Variants in PARVB observed in about 807,000 individuals in gnomAD.
PARVB encodes the protein beta-parvin.
A neutral mutation model predicts 47.0 loss-of-function variants in PARVB; 46 were observed. The ratio of observed to expected loss-of-function variants is 0.98; its 90% CI spans 0.77 to 1.25. The LOEUF is 1.25. Ranked by LOEUF, PARVB falls within the 50% of genes most tolerant of loss-of-function variation. PARVB has a pLI of 0.00. For synonymous variants in PARVB, 196 were observed against 196.3 expected (o/e 1.00, Z 0.01); for missense variants, 473 against 471.6 (o/e 1.00, Z -0.03).
intron 1 of PARVB, chr22:44,086,704 TG>T (rs1340344123): frequency 1.0e-6 from 1 of 972,498 alleles, no homozygotes; most frequent in Admixed American, 6.2e-5. Context: ...AGATCTTCAC[TG>T]AAGTACAACT....
chr22:44,047,055 A>G (rs1297212783), intron 1 of PARVB, among the ~76,000 whole-genome samples: 1 of 152,198 alleles, frequency 6.6e-6, no homozygotes, highest in Non-Finnish European at 1.5e-5. Flanking sequence ...TCCTGGAGCC[A>G]CCAGGCCTAT....
At chr22:44,015,955 G>A (rs1197232898) in intron 2 of PARVB, among the ~76,000 whole-genome samples, 2 of 152,106 alleles carry the variant, frequency 1.3e-5, no homozygotes, top group Admixed American at 6.5e-5. Flanking sequence ...AATCGTTTGT[G>A]CCCTATGCAA....
At chr22:44,156,349 G>C (rs1442026077) in intron 10 of PARVB, among the ~76,000 whole-genome samples, 1 of 147,658 alleles carries the variant, frequency 6.8e-6, no homozygotes, top group African/African-American at 2.5e-5. Flanking sequence ...GCGCGATCGC[G>C]GCTCACTGCA....
intron 3 of PARVB, chr22:44,104,281 G>C (rs1372848805): frequency 1.3e-5 from 2 of 152,224 alleles, no homozygotes; most frequent in African/African-American, 4.8e-5. Flanking sequence ...TCTCAAAGCA[G>C]GCTGGCAGAC....
intron 4 of PARVB, among the ~76,000 whole-genome samples, chr22:44,124,206 A>C (rs1381495798): frequency 6.6e-6 from 1 of 152,040 alleles, no homozygotes; most frequent in African/African-American, 2.4e-5. Context: ...CCATCCACAG[A>C]CTCCAGAAGG....
intron 7 of PARVB, chr22:44,139,735 G>A (rs1208600949): frequency 1.4e-5 from 3 of 219,204 alleles, no homozygotes; most frequent in East Asian, 2.1e-4. Context: ...ACAGGCATGA[G>A]CCCCTGTGCC....
chr22:44,009,902 G>C (rs1471366729), intron 2 of PARVB, among the ~76,000 whole-genome samples: 2 of 151,126 alleles, frequency 1.3e-5, no homozygotes, highest in African/African-American at 4.9e-5. Flanking sequence ...CTGCCTCCTG[G>C]GTTCAAGCAA....
intron 10 of PARVB, among the ~76,000 whole-genome samples, chr22:44,154,993 G>T (rs1309496934): frequency 8.5e-6 from 1 of 118,232 alleles, no homozygotes; most frequent in Non-Finnish European, 1.7e-5. Flanking sequence ...TGTGGTTTTT[G>T]TAGTCTGTGT....
rs565405203 is a variant in PARVB, at chr22:44,011,307, A to G, written c.211+11634A>G. 3.4e-3 allele frequency among the ~76,000 whole-genome samples: 513 copies of G among 152,142 alleles called. 4 individuals are homozygous for G. The highest frequency in any genetic ancestry group is 0.012 in the African/African-American group (494 of 41,534). Reference sequence around the variant, plus strand: ...CATCATCTGTGGCTGCTTTCAAGCTACAATAGCAAAATTGGGTCCTTGTAG... The same window carrying G: ...CATCATCTGTGGCTGCTTTCAAGCTGCAATAGCAAAATTGGGTCCTTGTAG... On this transcript the variant is annotated intron_variant, in intron 2 of 13. Coordinates refer to the PARVB transcript ENST00000406477.
chr22:44,148,763 C>A (rs77251852), intron 9 of PARVB: 6,260 of 152,238 alleles, frequency 0.041, 164 homozygotes, highest in Non-Finnish European at 0.058. Context: ...ATTTATTTAT[C>A]TATCAATTTT....
chr22:44,171,203 G>A lies in PARVB; in HGVS notation c.*2525G>A, dbSNP rs1257701334. 1 of 152,318 alleles carries A rather than the reference G, an allele frequency of 6.6e-6. No individual in the cohort carries two copies. The highest frequency in any genetic ancestry group is 1.5e-5 in the Non-Finnish European group (1 of 68,132). The allele number at this position is 152,318 out of a possible 1,614,324, so 9.4% of individuals were successfully genotyped here. On this transcript the variant is annotated 3_prime_UTR_variant, in exon 13 of 13. Coordinates refer to ENST00000338758, the MANE Select transcript of PARVB (RefSeq NM_013327.5). ...CTTCCCAGGGATTGGGATTTGAAAA[G>A]AACAGAGCTTGGCCAGGTGCGGTGG...
intron 2 of PARVB, among the ~76,000 whole-genome samples, chr22:44,096,830 C>A (rs947307641): frequency 3.9e-5 from 6 of 152,042 alleles, no homozygotes; most frequent in Non-Finnish European, 5.9e-5. Context: ...GGGCTCGGTT[C>A]CCACAAAACA....
intron 7 of PARVB, among the ~76,000 whole-genome samples, chr22:44,137,783 A>T (rs944395163): frequency 2.6e-5 from 4 of 151,956 alleles, no homozygotes; most frequent in African/African-American, 9.7e-5. Flanking sequence ...GTCCTGAGAG[A>T]GTGAGAATGC....
intron 4 of PARVB, among the ~76,000 whole-genome samples, chr22:44,129,128 C>T (rs985743275): frequency 2.0e-5 from 3 of 152,044 alleles, no homozygotes; most frequent in East Asian, 1.9e-4. Context: ...TGAGGCCATA[C>T]GAGTGGGTGG....
chr22:44,084,202 G>A (rs1267881881), intron 1 of PARVB, among the ~76,000 whole-genome samples: 2 of 152,190 alleles, frequency 1.3e-5, no homozygotes, highest in African/African-American at 2.4e-5. Flanking sequence ...CAGTTCATTA[G>A]CTCTAACTGG....
At chr22:44,147,573 A>T (rs2053712603) in intron 8 of PARVB, 1 of 554,618 alleles carries the variant, frequency 1.8e-6, no homozygotes, top group Non-Finnish European at 3.4e-6. Context: ...GCCAGATGCC[A>T]TCTATGTGTT....
At chr22:44,051,389 ACT>A (rs958180804) in intron 1 of PARVB, among the ~76,000 whole-genome samples, 2 of 151,852 alleles carry the variant, frequency 1.3e-5, no homozygotes, top group Non-Finnish European at 2.9e-5. Flanking sequence ...ATAGCCTGTG[ACT>A]CTGTGGCTGG....
At chr22:44,164,674 G>A (rs1341241846) in intron 12 of PARVB, among the ~76,000 whole-genome samples, 2 of 152,276 alleles carry the variant, frequency 1.3e-5, no homozygotes, top group East Asian at 3.9e-4. Context: ...AGACACTGTG[G>A]TTTAGTGCCC....
chr22:44,101,388 C>A (rs148179376), intron 3 of PARVB, among the ~76,000 whole-genome samples: 7,545 of 149,800 alleles, frequency 0.05, 545 homozygotes, highest in African/African-American at 0.15. Flanking sequence ...CCAACCTGGG[C>A]GACAGCGAGG....
Sources: allele counts gnomAD v4.1 joint callset (sites outside exome capture counted in the v4.1 genomes callset), GRCh38; gene constraint gnomAD v4.1.1; transcripts MANE v1.5; gene names NCBI Gene and HGNC (gene_info 2026-07-23, HGNC 2026-07-21).